The following NTM variants were observed in gnomAD, a reference collection of about 807,000 sequenced individuals.
NTM encodes neurotrimin.
Under a neutral mutation model 42.1 loss-of-function variants are expected in NTM, and 13 were observed. The ratio of observed to expected loss-of-function variants is 0.31; its 90% CI spans 0.20 to 0.49. The LOEUF (loss-of-function observed/expected upper bound fraction) is 0.49. NTM is among the 20% of genes least tolerant of loss of function. NTM has a pLI of 0.99. For missense variants in NTM, 373 were observed against 452.8 expected (o/e 0.82, Z 1.60); for synonymous variants, 187 against 179.2 (o/e 1.04, Z -0.35).
chr11:131,611,198 G>T (rs1233837115), intron 1 of NTM, among the ~76,000 whole-genome samples: 1 of 152,086 alleles, frequency 6.6e-6, no homozygotes, highest in Non-Finnish European at 1.5e-5. Flanking sequence ...TGGAAATATG[G>T]TCAAAAAAAT....
At chr11:132,142,302 T>G (rs1009094250) in intron 2 of NTM, among the ~76,000 whole-genome samples, 5 of 152,150 alleles carry the variant, frequency 3.3e-5, no homozygotes, top group Non-Finnish European at 7.4e-5. Context: ...GTTTGAAGCC[T>G]TACTCACTCT....
intron 3 of NTM, among the ~76,000 whole-genome samples, chr11:132,203,388 AAAGAT>A (rs1278846952): frequency 3.3e-5 from 5 of 152,208 alleles, no homozygotes; most frequent in Admixed American, 3.3e-4. Context: ...TTTGAGGAGA[AAAGAT>A]AGGTGTTGAT....
At chr11:132,235,086 A>T (rs1423799817) in intron 4 of NTM, among the ~76,000 whole-genome samples, 1 of 152,110 alleles carries the variant, frequency 6.6e-6, no homozygotes, top group Non-Finnish European at 1.5e-5. Context: ...CAGCAGTCTG[A>T]CTCATGACAT....
At chr11:131,925,195 A>G (rs992188033) in intron 2 of NTM, among the ~76,000 whole-genome samples, 3 of 152,136 alleles carry the variant, frequency 2.0e-5, no homozygotes, top group Admixed American at 2.0e-4. Context: ...ATGATAAATT[A>G]CTCATTAATG....
intron 1 of NTM, among the ~76,000 whole-genome samples, chr11:131,732,910 G>T (rs964340346): frequency 1.3e-5 from 2 of 151,890 alleles, no homozygotes; most frequent in African/African-American, 4.8e-5. Context: ...ATAATAGAAT[G>T]TTTTACATTA....
At chr11:132,010,368 G>T (rs1373514673) in intron 2 of NTM, among the ~76,000 whole-genome samples, 1 of 152,174 alleles carries the variant, frequency 6.6e-6, no homozygotes, top group Non-Finnish European at 1.5e-5. Context: ...GACTGGTGAA[G>T]TTATAGGATG....
intron 1 of NTM, among the ~76,000 whole-genome samples, chr11:131,513,437 GA>G (rs958584302): frequency 4.6e-5 from 7 of 150,762 alleles, no homozygotes; most frequent in Admixed American, 1.3e-4. Context: ...ACCAAAGACA[GA>G]AAAAAAAAGT....
At chr11:131,443,816 C>T (rs912770186) in intron 1 of NTM, among the ~76,000 whole-genome samples, 2 of 152,192 alleles carry the variant, frequency 1.3e-5, no homozygotes, top group Non-Finnish European at 2.9e-5. Context: ...TGAGGTGTCA[C>T]TGTGCAGAGA....
At chr11:131,562,333 G>A (rs2056341442) in intron 1 of NTM, among the ~76,000 whole-genome samples, 1 of 152,176 alleles carries the variant, frequency 6.6e-6, no homozygotes, top group Non-Finnish European at 1.5e-5. Context: ...GGAGAGAGAG[G>A]AAGAATTGAA....
chr11:131,523,782 CAA>C (rs3040114), intron 1 of NTM, among the ~76,000 whole-genome samples: 9 of 72,192 alleles, frequency 1.2e-4, no homozygotes, highest in African/African-American at 3.1e-4. Flanking sequence ...GACTCCATCT[CAA>C]AAAAAAAAAA....
At chr11:131,659,589 C>A (rs982398735) in intron 1 of NTM, among the ~76,000 whole-genome samples, 1 of 152,202 alleles carries the variant, frequency 6.6e-6, no homozygotes, top group African/African-American at 2.4e-5. Flanking sequence ...TTCTGAAGTA[C>A]GGTGTTTTAG....
At chr11:131,565,024 C>T (rs1480618984) in intron 1 of NTM, among the ~76,000 whole-genome samples, 1 of 152,234 alleles carries the variant, frequency 6.6e-6, no homozygotes, top group African/African-American at 2.4e-5. Context: ...ACGACATACT[C>T]CTTCTTTGGT....
At chr11:132,194,366 A>G (rs1189528377) in intron 3 of NTM, among the ~76,000 whole-genome samples, 1 of 152,144 alleles carries the variant, frequency 6.6e-6, no homozygotes. Context: ...AAACAAAATA[A>G]CATGATCGTC....
intron 1 of NTM, among the ~76,000 whole-genome samples, chr11:131,442,947 GC>G: frequency 6.6e-6 from 1 of 152,222 alleles, no homozygotes; most frequent in Non-Finnish European, 1.5e-5. Flanking sequence ...ACACACACGT[GC>G]AGGTATCTTT....
At chr11:132,124,545 A>C (rs1221009002) in intron 2 of NTM, among the ~76,000 whole-genome samples, 6 of 152,240 alleles carry the variant, frequency 3.9e-5, no homozygotes, top group Non-Finnish European at 8.8e-5. Flanking sequence ...GCTGCTCACA[A>C]TAATGATTCT....
At chr11:131,697,082 G>C (rs187399025) in intron 1 of NTM, among the ~76,000 whole-genome samples, 2 of 152,320 alleles carry the variant, frequency 1.3e-5, no homozygotes, top group East Asian at 1.9e-4. Flanking sequence ...CCGGCTGGGG[G>C]CACGGTGGAA....
At chr11:132,312,822 T>C (rs1484249077) in intron 6 of NTM, 1 of 154,588 alleles carries the variant, frequency 6.5e-6, no homozygotes, top group Non-Finnish European at 1.5e-5. Context: ...GATCAATGTA[T>C]ACATAGCAAG....
rs940574132 is a variant in NTM at position 131,539,725 on chromosome 11, G to C, written c.82+168837G>C. ...AACTAGAGACCCTGTGGAATGAATA[G>C]AGGTGGACTTACCAGCAGGAGAGGA... On this transcript the variant is annotated intron_variant, in intron 1 of 8. Coordinates refer to ENST00000683400, the MANE Select transcript of NTM (RefSeq NM_001352005.2). The C allele has an allele frequency of 2.0e-5, 3 of 152,790 alleles. No homozygotes were observed. The East Asian group carries it at 5.8e-4, about 29-fold the overall frequency. 9.5% of individuals were successfully genotyped at this position (152,790 alleles called of 1,614,324 possible).
intron 1 of NTM, among the ~76,000 whole-genome samples, chr11:131,690,181 A>T (rs552933826): frequency 1.4e-4 from 22 of 152,264 alleles, no homozygotes; most frequent in African/African-American, 4.8e-4. Flanking sequence ...TCCAGATGAG[A>T]GGAGAGAAAA....
Sources: allele counts gnomAD v4.1 joint callset (sites outside exome capture counted in the v4.1 genomes callset), GRCh38; gene constraint gnomAD v4.1.1; transcripts MANE v1.5; gene names NCBI Gene and HGNC (gene_info 2026-07-23, HGNC 2026-07-21).